AAGAB: variants seen among roughly 807,000 people sequenced by gnomAD.
AAGAB encodes the protein alpha- and gamma-adaptin-binding protein p34.
Under a neutral mutation model 44.1 loss-of-function variants are expected in AAGAB, and 38 were observed. The ratio of observed to expected loss-of-function variants is 0.86; its 90% CI spans 0.67 to 1.13. The LOEUF (loss-of-function observed/expected upper bound fraction) is 1.13. AAGAB is among the 50% of genes most tolerant of loss of function. The probability of loss-of-function intolerance (pLI) is 0.00; values close to 1 mark genes in which losing one functional copy is unlikely to be tolerated. For missense variants in AAGAB, 450 were observed against 373.8 expected, an observed-to-expected ratio of 1.20 and a Z score of -1.68; for synonymous variants, 131 against 131.8, an observed-to-expected ratio of 0.99 and a Z score of 0.04.
chr15:67,211,497 A>G (rs946561600), intron 5 of AAGAB, among the ~76,000 whole-genome samples: 1 of 152,212 alleles, frequency 6.6e-6, no homozygotes, highest in Non-Finnish European at 1.5e-5. Context: ...AAACATCAGC[A>G]TGGTTCTTTC....
chr15:67,235,121 C>G (rs891282152), intron 4 of AAGAB, among the ~76,000 whole-genome samples: 1 of 152,174 alleles, frequency 6.6e-6, no homozygotes, highest in African/African-American at 2.4e-5. Flanking sequence ...TGCCACCTCT[C>G]CAGCAGTCCT....
chr15:67,225,614 A>G (rs1172096722), intron 5 of AAGAB, among the ~76,000 whole-genome samples: 2 of 152,170 alleles, frequency 1.3e-5, no homozygotes, highest in African/African-American at 2.4e-5. Flanking sequence ...GAATTTAACT[A>G]TTCTGGATAT....
rs372896757 is a variant in AAGAB at position 67,222,230 on chromosome 15, ACG to A, written c.535+9582_535+9583del. ...CTGATTACTACATGCATGCACGCGC[ACG>A]CGCGCGCGCGCACACACACACACAC... On this transcript the variant is annotated intron_variant, in intron 5 of 9. Coordinates refer to ENST00000261880, the MANE Select transcript of AAGAB (RefSeq NM_024666.5). Among the ~76,000 whole-genome samples, 589 of 133,840 alleles carry A rather than the reference ACG, an allele frequency of 4.4e-3. 1 individual carries two copies. The highest frequency in any genetic ancestry group is 0.012 in the Middle Eastern group (3 of 244). 87.8% of individuals were successfully genotyped at this position (133,840 alleles called of 152,430 possible).
chr15:67,235,945 G>A (rs765922137), intron 4 of AAGAB, 34 bp downstream of exon 4: 1 of 1,396,332 alleles, frequency 7.2e-7, no homozygotes, highest in Admixed American at 1.9e-5. Flanking sequence ...TCATATCTAA[G>A]TGCCATATTT....
intron 4 of AAGAB, among the ~76,000 whole-genome samples, chr15:67,235,608 G>A (rs1332019702): frequency 1.3e-5 from 2 of 152,168 alleles, no homozygotes; most frequent in Non-Finnish European, 2.9e-5. Flanking sequence ...TGGGAATTCA[G>A]CCTTAGGTTA....
intron 1 of AAGAB, 188 bp downstream of exon 1, chr15:67,254,371 G>A (rs1965009334): frequency 3.6e-6 from 5 of 1,380,940 alleles, no homozygotes; most frequent in Non-Finnish European, 4.7e-6. Context: ...GAAGAAGGCC[G>A]AGTGGGCAGA....
intron 5 of AAGAB, among the ~76,000 whole-genome samples, chr15:67,229,863 T>C (rs1964294299): frequency 6.6e-6 from 1 of 152,052 alleles, no homozygotes; most frequent in Non-Finnish European, 1.5e-5. Context: ...TGTTTGTTTG[T>C]TTGAAATGGA....
intron 8 of AAGAB, among the ~76,000 whole-genome samples, chr15:67,203,803 A>G (rs1963622408): frequency 6.6e-6 from 1 of 152,240 alleles, no homozygotes; most frequent in Non-Finnish European, 1.5e-5. Flanking sequence ...TTTCCACCTT[A>G]TGTAACACAT....
intron 5 of AAGAB, among the ~76,000 whole-genome samples, chr15:67,218,756 A>C (rs1441684983): frequency 2.6e-5 from 4 of 152,230 alleles, no homozygotes; most frequent in African/African-American, 9.6e-5. Context: ...GGACATTATC[A>C]AATTATAAAT....
chr15:67,240,090 C>T lies in AAGAB; in HGVS notation c.74-3270G>A, dbSNP rs191395341. 2.1e-3 allele frequency among the ~76,000 whole-genome samples: 317 copies of T among 152,294 alleles called. 4 individuals carry two copies. Among genetic ancestry groups the T allele is most frequent in the South Asian group, 0.02 (95 of 4,828 alleles). On this transcript the variant is annotated intron_variant, in intron 1 of 9. Transcript: ENST00000261880. Reference sequence around the variant, plus strand: ...AGTCTCTAATAATCACAAGCCAAAACTAGTCTATAGACCTAAAGGATCCTC... The same window carrying T: ...AGTCTCTAATAATCACAAGCCAAAATTAGTCTATAGACCTAAAGGATCCTC...
At chr15:67,207,416 AT>A (rs1963711106) in intron 7 of AAGAB, among the ~76,000 whole-genome samples, 1 of 152,258 alleles carries the variant, frequency 6.6e-6, no homozygotes, top group African/African-American at 2.4e-5. Context: ...ATACTGATAC[AT>A]TAGATTCCAA....
chr15:67,204,711 T>C (rs1401558982), intron 7 of AAGAB, among the ~76,000 whole-genome samples: 2 of 152,308 alleles, frequency 1.3e-5, no homozygotes, highest in East Asian at 3.9e-4. Flanking sequence ...AAATTCATAT[T>C]TTCTTACTAC....
chr15:67,211,299 G>A (rs10163156), intron 5 of AAGAB, among the ~76,000 whole-genome samples: 52,666 of 152,018 alleles, frequency 0.35, 10,021 homozygotes, highest in Non-Finnish European at 0.44. Context: ...AACAGTGGCA[G>A]CATGGTCAGA....
chr15:67,254,729 C>T (rs1965042463), upstream of AAGAB: 36 of 1,386,044 alleles, frequency 2.6e-5, no homozygotes, highest in South Asian at 4.3e-4. Flanking sequence ...AGAGGGCGTT[C>T]TCGGAATGAC....
chr15:67,236,593 T>C, intron 2 of AAGAB, 37 bp downstream of exon 2: 1 of 1,602,638 alleles, frequency 6.2e-7, no homozygotes, highest in Non-Finnish European at 8.5e-7. Flanking sequence ...CATGCAATAA[T>C]TTCTTATTCA....
chr15:67,222,282 A>ACACACACACACACACACACACACACACCC (rs796412643), intron 5 of AAGAB, among the ~76,000 whole-genome samples: 8 of 139,848 alleles, frequency 5.7e-5, no homozygotes, highest in Non-Finnish European at 1.2e-4. Flanking sequence ...ACACACACAC[A>ACACACACACACACACACACACACACACCC]CCCTCCACCC....
At chr15:67,250,680 T>C (rs763193981) in intron 1 of AAGAB, among the ~76,000 whole-genome samples, 7 of 152,182 alleles carry the variant, frequency 4.6e-5, no homozygotes, top group Non-Finnish European at 1.0e-4. Flanking sequence ...TTTGCTCTCA[T>C]ATCGTGTATT....
chr15:67,232,223 TG>T lies in AAGAB; in HGVS notation c.452-327del, dbSNP rs1964355305. On this transcript the variant is annotated intron_variant, in intron 4 of 9. Transcript: ENST00000261880. The stretch of plus-strand genomic sequence containing the variant: ...GAGCCGAGATGGCACCATTCCAGCC[TG>T]GGCAACAGGAGCAAAACTCCATCTC... Among the ~76,000 whole-genome samples the T allele has an allele frequency of 2.1e-5, 3 of 140,222 alleles. No homozygotes were observed. In the South Asian group the frequency reaches 6.8e-4, roughly 32 times the overall value. The allele number at this position is 140,222 out of a possible 152,430, so 92.0% of individuals were successfully genotyped here.
At chr15:67,245,319 A>C (rs773279273) in intron 1 of AAGAB, among the ~76,000 whole-genome samples, 22 of 152,386 alleles carry the variant, frequency 1.4e-4, no homozygotes, top group Non-Finnish European at 2.6e-4. Flanking sequence ...TGGAATATGA[A>C]GTACATGCTA....
Sources: allele counts gnomAD v4.1 joint callset (sites outside exome capture counted in the v4.1 genomes callset), GRCh38; gene constraint gnomAD v4.1.1; transcripts MANE v1.5; gene names NCBI Gene and HGNC (gene_info 2026-07-23, HGNC 2026-07-21).